RALGAPA1: variants seen among roughly 807,000 people sequenced by gnomAD.
RALGAPA1 encodes Ral GTPase activating protein catalytic subunit alpha 1.
In RALGAPA1, 52 loss-of-function variants were observed where a neutral mutation model predicts 269.6. The observed-to-expected ratio is 0.19, with a 90% CI of 0.15 to 0.24. The LOEUF is 0.24. RALGAPA1 is among the 10% of genes least tolerant of loss of function. The pLI is 1.00. For missense variants in RALGAPA1, 1,917 were observed against 3,013.9 expected, an observed-to-expected ratio of 0.64 and a Z score of 8.52; for synonymous variants, 817 against 1,008.3, an observed-to-expected ratio of 0.81 and a Z score of 3.60.
chr14:35,604,525 C>T (rs78608105), intron 36 of RALGAPA1, among the ~76,000 whole-genome samples: 3 of 151,500 alleles, frequency 2.0e-5, no homozygotes, highest in African/African-American at 7.3e-5. Flanking sequence ...GTGAAAGGCA[C>T]TGAGAATTAA....
In RALGAPA1 at chr14:35,689,870, G is replaced by A. The variant is rs1419362360; in HGVS notation, c.2541C>T (p.Asp847=). 17 of 1,605,062 alleles carry A rather than the reference G, an allele frequency of 1.1e-5. No individual in the cohort carries two copies. Among genetic ancestry groups the A allele is most frequent in the Non-Finnish European group, 1.4e-5 (17 of 1,176,968 alleles). ...GTTCAACAGTGAATGGTTCCAAGAT[G>A]TCAGAAGTGCTGCTACTTCGAGGCA... The part of the protein sequence containing the change: ...QPLPRSSSTS[D]ILEPFTVERA... Residue 847 remains aspartate, a synonymous_variant, in exon 18 of 42, where the codon GAC becomes GAT. Coordinates refer to ENST00000680220, the MANE Select transcript of RALGAPA1 (RefSeq NM_001346249.2).
chr14:35,539,749 A>C (rs958383745), intron 41 of RALGAPA1, 59 bp from the exon 42 acceptor site: 45 of 1,588,872 alleles, frequency 2.8e-5, no homozygotes, highest in Non-Finnish European at 3.7e-5. Context: ...CCTGAGAAAT[A>C]ATCTTTCTGC....
intron 21 of RALGAPA1, 25 bp downstream of exon 21, chr14:35,683,784 A>G (rs1566994310): frequency 6.5e-7 from 1 of 1,533,678 alleles, no homozygotes; most frequent in Non-Finnish European, 8.8e-7. Context: ...ACATTTAAGA[A>G]ACACATTCCC....
At chr14:35,612,539 TTC>T (rs200827186) in intron 35 of RALGAPA1, among the ~76,000 whole-genome samples, 4 of 149,976 alleles carry the variant, frequency 2.7e-5, no homozygotes, top group East Asian at 4.0e-4. Flanking sequence ...CTTCTTCTTC[TTC>T]TTTTTTTTTT....
intron 12 of RALGAPA1, among the ~76,000 whole-genome samples, chr14:35,735,733 C>T (rs1166848346): frequency 1.3e-5 from 2 of 151,892 alleles, no homozygotes; most frequent in African/African-American, 4.8e-5. Context: ...TAAAGACTAT[C>T]AACTGGGGGA....
At chr14:35,746,528 T>C (rs898340417) in intron 10 of RALGAPA1, among the ~76,000 whole-genome samples, 5 of 152,164 alleles carry the variant, frequency 3.3e-5, no homozygotes, top group African/African-American at 9.7e-5. Context: ...CTTAAATATA[T>C]AGAATTTTTA....
chr14:35,776,397 AAAG>A (rs1483743199), intron 1 of RALGAPA1, among the ~76,000 whole-genome samples: 2 of 152,106 alleles, frequency 1.3e-5, no homozygotes, highest in African/African-American at 4.8e-5. Context: ...AAAAAAAAAA[AAAG>A]AAGAATTTAT....
intron 38 of RALGAPA1, among the ~76,000 whole-genome samples, chr14:35,571,584 G>T (rs1249365706): frequency 6.6e-6 from 1 of 151,914 alleles, no homozygotes; most frequent in Non-Finnish European, 1.5e-5. Flanking sequence ...CTGAGACAGG[G>T]AATTGCTTGA....
At chr14:35,647,753 G>A (rs574004691) in intron 31 of RALGAPA1, among the ~76,000 whole-genome samples, 1 of 150,964 alleles carries the variant, frequency 6.6e-6, no homozygotes, top group South Asian at 2.1e-4. Flanking sequence ...AGGAATTTGA[G>A]ACCAGCCTGG....
intron 1 of RALGAPA1, among the ~76,000 whole-genome samples, chr14:35,779,645 G>A (rs1567215049): frequency 6.6e-6 from 1 of 151,558 alleles, no homozygotes. Context: ...AAGACACAAT[G>A]TTCGAGGAAA....
intron 39 of RALGAPA1, among the ~76,000 whole-genome samples, chr14:35,554,081 A>T (rs1046015054): frequency 2.0e-5 from 3 of 152,104 alleles, no homozygotes; most frequent in African/African-American, 7.2e-5. Context: ...CTACTGATTT[A>T]AAAAAAATTT....
chr14:35,724,364 GC>G (rs753690463), intron 14 of RALGAPA1, among the ~76,000 whole-genome samples: 30 of 152,094 alleles, frequency 2.0e-4, no homozygotes, highest in Middle Eastern at 3.4e-3. Context: ...ATCTGAGACA[GC>G]TTTTACCCTT....
At chr14:35,666,040 G>C (rs534378735) in intron 26 of RALGAPA1, among the ~76,000 whole-genome samples, 1 of 151,322 alleles carries the variant, frequency 6.6e-6, no homozygotes, top group Admixed American at 6.6e-5. Flanking sequence ...TCTTGAGAAG[G>C]AGTTTCACTC....
intron 14 of RALGAPA1, 21 bp downstream of exon 14, chr14:35,725,003 C>G: frequency 6.4e-7 from 1 of 1,570,308 alleles, no homozygotes; most frequent in Non-Finnish European, 8.6e-7. Flanking sequence ...AGCTATTCAT[C>G]TATTTATTTA....
chr14:35,697,340 G>T (rs774017227), intron 17 of RALGAPA1, among the ~76,000 whole-genome samples: 48 of 117,354 alleles, frequency 4.1e-4, no homozygotes, highest in Non-Finnish European at 6.8e-4. Flanking sequence ...GTTTTTTTTT[G>T]TTTTGTTTTG....
intron 10 of RALGAPA1, among the ~76,000 whole-genome samples, chr14:35,747,154 A>C (rs2072194614): frequency 6.6e-6 from 1 of 152,142 alleles, no homozygotes; most frequent in African/African-American, 2.4e-5. Flanking sequence ...CTCTACAAAA[A>C]AAATTTAAAA....
intron 36 of RALGAPA1, among the ~76,000 whole-genome samples, chr14:35,596,018 T>C (rs573702237): frequency 6.6e-6 from 1 of 152,088 alleles, no homozygotes; most frequent in Admixed American, 6.6e-5. Context: ...TCAACTGCTG[T>C]GTACTATGCA....
chr14:35,703,965 G>A (rs142007473), intron 16 of RALGAPA1, among the ~76,000 whole-genome samples: 82 of 151,856 alleles, frequency 5.4e-4, no homozygotes, highest in Admixed American at 4.2e-3. Flanking sequence ...TTCATGGACC[G>A]CAAATGTGAT....
intron 39 of RALGAPA1, among the ~76,000 whole-genome samples, chr14:35,568,545 G>T (rs938178797): frequency 4.6e-5 from 7 of 152,250 alleles, no homozygotes; most frequent in Non-Finnish European, 4.4e-5. Flanking sequence ...CCTAAAAAAG[G>T]CACATGGTAT....
Sources: allele counts gnomAD v4.1 joint callset (sites outside exome capture counted in the v4.1 genomes callset), GRCh38; gene constraint gnomAD v4.1.1; transcripts MANE v1.5; gene names NCBI Gene and HGNC (gene_info 2026-07-23, HGNC 2026-07-21).